The following FUT8 variants were observed in gnomAD, a reference collection of about 807,000 sequenced individuals.
FUT8 encodes alpha-(1,6)-fucosyltransferase.
Under a neutral mutation model 71.3 loss-of-function variants are expected in FUT8, and 29 were observed. The observed-to-expected ratio is 0.41, with a 90% CI of 0.30 to 0.55. The LOEUF (loss-of-function observed/expected upper bound fraction) is 0.55. Among genes scored for constraint, FUT8 ranks in the 20% least tolerant of loss-of-function variants. The probability of loss-of-function intolerance (pLI) is 0.34; values close to 1 mark genes in which losing one functional copy is unlikely to be tolerated. For synonymous variants in FUT8, 254 were observed against 239.3 expected, an observed-to-expected ratio of 1.06 and a Z score of -0.57; for missense variants, 544 against 702.1, an observed-to-expected ratio of 0.77 and a Z score of 2.55.
intron 5 of FUT8, among the ~76,000 whole-genome samples, chr14:65,622,511 T>C (rs1053191286): frequency 2.6e-5 from 4 of 152,178 alleles, no homozygotes; most frequent in Non-Finnish European, 5.9e-5. Flanking sequence ...CTAGTGAACA[T>C]CACTCACCAA....
intron 7 of FUT8, among the ~76,000 whole-genome samples, chr14:65,682,205 A>G (rs1316350485): frequency 6.6e-6 from 1 of 152,226 alleles, no homozygotes; most frequent in Non-Finnish European, 1.5e-5. Flanking sequence ...AAAGATTTAA[A>G]CAAGAATCCC....
intron 2 of FUT8, among the ~76,000 whole-genome samples, chr14:65,499,162 G>A (rs1332490946): frequency 6.6e-6 from 1 of 152,114 alleles, no homozygotes; most frequent in Non-Finnish European, 1.5e-5. Context: ...TGATTCTCCT[G>A]CCTCAACCTC....
At position 65,627,170 on chromosome 14, in the gene FUT8, C is replaced by G. The variant is rs1232613558; in HGVS notation, c.483-2322C>G. Among the ~76,000 whole-genome samples, 1 of 151,814 alleles carries G rather than the reference C, an allele frequency of 6.6e-6. No homozygotes were observed. Among genetic ancestry groups the G allele is most frequent in the East Asian group, 1.9e-4 (1 of 5,198 alleles). On this transcript the variant is annotated intron_variant, in intron 5 of 10. Coordinates refer to ENST00000673929, the MANE Select transcript of FUT8 (RefSeq NM_001371533.1). The surrounding 1 kb of genome is among the most constrained non-coding windows in gnomAD (Gnocchi z 4.0). ...CAAAAAAAAGTTCATTCTTTTGGAG[C>G]TTAAATTCTAGTAGGGCAGAAAGAT...
In FUT8 at chr14:65,467,243, A is replaced by G. The variant is rs976583739; in HGVS notation, c.-228+11525A>G. Among the ~76,000 whole-genome samples, 2 of 152,052 alleles carry G rather than the reference A, an allele frequency of 1.3e-5. No homozygotes were observed. Among genetic ancestry groups the G allele is most frequent in the Non-Finnish European group, 2.9e-5 (2 of 68,010 alleles). On this transcript the variant is annotated intron_variant, in intron 2 of 10. Coordinates refer to ENST00000673929, the MANE Select transcript of FUT8 (RefSeq NM_001371533.1). The surrounding 1 kb of genome is among the most constrained non-coding windows in gnomAD (Gnocchi z 4.1). Reference sequence around the variant, plus strand: ...TGGAGGATACTTTTGCTGGGATTCTATAGGCATTCTAGTTTGGTATTTTAT... The same window carrying G: ...TGGAGGATACTTTTGCTGGGATTCTGTAGGCATTCTAGTTTGGTATTTTAT...
At position 65,596,630 on chromosome 14, in the gene FUT8, C is replaced by T. The variant is rs145000035; in HGVS notation, c.204-19348C>T. Among the ~76,000 whole-genome samples the T allele has an allele frequency of 3.0e-3, 450 of 152,234 alleles. 5 individuals carry two copies. The highest frequency in any genetic ancestry group is 9.9e-3 in the African/African-American group (410 of 41,558). Reference sequence around the variant, plus strand: ...AGTTACTTATTTTTTAGATAATTTTCAACCAATACCTTTAGGGTAGCATAA... The same window carrying T: ...AGTTACTTATTTTTTAGATAATTTTTAACCAATACCTTTAGGGTAGCATAA... On this transcript the variant is annotated intron_variant, in intron 3 of 10. Coordinates refer to ENST00000673929, the MANE Select transcript of FUT8 (RefSeq NM_001371533.1).
At chr14:65,577,142 G>A (rs955168389) in intron 3 of FUT8, among the ~76,000 whole-genome samples, 10 of 151,990 alleles carry the variant, frequency 6.6e-5, no homozygotes, top group African/African-American at 1.9e-4. Context: ...GAGCCATTGC[G>A]CCTGGTCTTA....
intron 8 of FUT8, 150 bp downstream of exon 8, chr14:65,722,171 G>A (rs1895451476): frequency 1.0e-6 from 1 of 990,686 alleles, no homozygotes; most frequent in South Asian, 1.7e-5. Context: ...AGGTCACATG[G>A]AGACTATTTT....
intron 9 of FUT8, among the ~76,000 whole-genome samples, chr14:65,730,501 G>A (rs1215435233): frequency 1.3e-5 from 2 of 152,086 alleles, no homozygotes; most frequent in African/African-American, 4.8e-5. Flanking sequence ...GTAAAACCCT[G>A]TCTCTACTAA....
chr14:65,721,244 TA>T (rs34050977), intron 7 of FUT8, among the ~76,000 whole-genome samples: 267 of 146,844 alleles, frequency 1.8e-3, no homozygotes, highest in South Asian at 4.1e-3. Flanking sequence ...TCCAATAGAT[TA>T]AAAAAAAAAA....
the FUT8 span, among the ~76,000 whole-genome samples, chr14:65,383,752 G>A: frequency 1.3e-5 from 2 of 152,108 alleles, no homozygotes; most frequent in African/African-American, 4.8e-5. Context: ...CTTTGATTAG[G>A]ACTGGTTTCA....
chr14:65,455,326 A>G (rs970330069), intron 1 of FUT8, among the ~76,000 whole-genome samples: 4 of 152,228 alleles, frequency 2.6e-5, no homozygotes, highest in Non-Finnish European at 4.4e-5. Flanking sequence ...GACAAAGTTA[A>G]AGAATTTTAT....
chr14:65,411,730 T>G, upstream of FUT8: 1 of 293,472 alleles, frequency 3.4e-6, no homozygotes, highest in Non-Finnish European at 6.6e-6. Context: ...GCCCCAGGCT[T>G]GGGATCTGGG....
chr14:65,465,946 C>T (rs2066038039), intron 2 of FUT8, among the ~76,000 whole-genome samples: 1 of 152,096 alleles, frequency 6.6e-6, no homozygotes, highest in African/African-American at 2.4e-5. Flanking sequence ...TATTTTGACA[C>T]TCTGTAGTTA....
At chr14:65,668,808 A>G (rs1892337680) in intron 6 of FUT8, among the ~76,000 whole-genome samples, 1 of 152,210 alleles carries the variant, frequency 6.6e-6, no homozygotes, top group Admixed American at 6.5e-5. Context: ...GACTGAAAAA[A>G]GAAAATGTGG....
chr14:65,439,956 A>ACG (rs1268251124), intron 1 of FUT8, among the ~76,000 whole-genome samples: 307 of 30,550 alleles, frequency 0.01, 30 homozygotes, highest in East Asian at 0.035. Flanking sequence ...GTGTGTGTGT[A>ACG]TATATATATA....
intron 5 of FUT8, among the ~76,000 whole-genome samples, chr14:65,616,713 T>G (rs1311116127): frequency 6.6e-6 from 1 of 152,200 alleles, no homozygotes; most frequent in African/African-American, 2.4e-5. Context: ...TGTGCAGTTT[T>G]GCATTGCGGT....
intron 9 of FUT8, among the ~76,000 whole-genome samples, chr14:65,725,194 G>T (rs2139363432): frequency 6.6e-6 from 1 of 152,272 alleles, no homozygotes; most frequent in Non-Finnish European, 1.5e-5. Flanking sequence ...GAGGAATAAA[G>T]ACTACTACTG....
rs1892399392 is a variant in FUT8, at chr14:65,669,976, C to T, written c.835+496C>T. 6.6e-6 allele frequency among the ~76,000 whole-genome samples: 1 copy of T among 152,280 alleles called. No individual in the cohort carries two copies. The highest frequency in any genetic ancestry group is 3.4e-3 in the Middle Eastern group (1 of 292). On this transcript the variant is annotated intron_variant, in intron 7 of 10. Coordinates refer to ENST00000673929, the MANE Select transcript of FUT8 (RefSeq NM_001371533.1). This position sits in a 1 kb window ranked among gnomAD's most constrained non-coding sequence, Gnocchi z 4.5. ...TGACAAAAGTTTTAGGTTTAGGGAC[C>T]GTGCTTTGAGAACCACTGAGGTGGA...
At chr14:65,626,235 T>C (rs1053862278) in intron 5 of FUT8, among the ~76,000 whole-genome samples, 1 of 148,272 alleles carries the variant, frequency 6.7e-6, no homozygotes, top group Non-Finnish European at 1.5e-5. Flanking sequence ...AAAAAAAAAA[T>C]AGCGGCTACC....
Sources: allele counts gnomAD v4.1 joint callset (sites outside exome capture counted in the v4.1 genomes callset), GRCh38; gene constraint gnomAD v4.1.1; non-coding constraint Gnocchi (gnomAD v3.1); transcripts MANE v1.5; gene names NCBI Gene and HGNC (gene_info 2026-07-23, HGNC 2026-07-21).